Variants in DNTTIP1 observed in about 807,000 individuals in gnomAD.
The protein encoded by DNTTIP1 is deoxynucleotidyltransferase terminal-interacting protein 1.
Under a neutral mutation model 52.9 loss-of-function variants are expected in DNTTIP1, and 22 were observed. The observed-to-expected ratio is 0.42, with a 90% CI of 0.30 to 0.59. The LOEUF is 0.59. DNTTIP1 is among the 20% of genes least tolerant of loss of function. The pLI is 0.22. For synonymous variants in DNTTIP1, 136 were observed against 155.1 expected (o/e 0.88, Z 0.92); for missense variants, 286 against 435.5 (o/e 0.66, Z 3.06).
intron 10 of DNTTIP1, among the ~76,000 whole-genome samples, chr20:45,806,355 C>A (rs1234279930): frequency 1.0e-3 from 136 of 131,698 alleles, no homozygotes; most frequent in Non-Finnish European, 1.1e-3. Flanking sequence ...AACTCCATCT[C>A]AAAAAAAAAA....
chr20:45,800,690 AAAAAAT>A (rs1981409744), intron 4 of DNTTIP1, among the ~76,000 whole-genome samples: 1 of 52,350 alleles, frequency 1.9e-5, no homozygotes, highest in South Asian at 6.4e-4. Flanking sequence ...AAAAAAAAAA[AAAAAAT>A]ATATATATAT....
rs1376833760 is a variant in DNTTIP1, at chr20:45,809,037, C to T, written c.724-77C>T. ...ACTTTTGGTAAGAACTGCTCAAGGG[C>T]CAAGAGTATGCTCTGGGACCAAATG... On this transcript the variant is annotated intron_variant, in intron 10 of 12. Coordinates refer to ENST00000372622, the MANE Select transcript of DNTTIP1 (RefSeq NM_052951.3). This position sits in a 1 kb window ranked among gnomAD's most constrained non-coding sequence, Gnocchi z 4.2. 3.1e-6 allele frequency: 4 copies of T among 1,311,068 alleles called. No homozygotes were observed. Among genetic ancestry groups the T allele is most frequent in the Non-Finnish European group, 3.3e-6 (3 of 909,880 alleles). The allele number at this position is 1,311,068 out of a possible 1,614,324, so 81.2% of individuals were successfully genotyped here.
At chr20:45,808,607 T>C (rs1213405027) in intron 10 of DNTTIP1, among the ~76,000 whole-genome samples, 2 of 152,166 alleles carry the variant, frequency 1.3e-5, no homozygotes, top group African/African-American at 4.8e-5. Flanking sequence ...GCCATTGCAC[T>C]CCAGCCTGGG....
intron 10 of DNTTIP1, among the ~76,000 whole-genome samples, chr20:45,807,733 G>T (rs1356482677): frequency 6.6e-6 from 1 of 152,042 alleles, no homozygotes; most frequent in South Asian, 2.1e-4. Flanking sequence ...GGTCACCTGA[G>T]GTCAGGAGTT....
In DNTTIP1 at chr20:45,809,210, T is replaced by C. The variant is rs1981745890; in HGVS notation, c.795+25T>C. ...GGTAAGCATTATTCATTTGTGCCAC[T>C]GCCAGTGACCCACCCCACCTGGGAA... On this transcript the variant is annotated intron_variant, in intron 11 of 12. Transcript: ENST00000372622. This position sits in a 1 kb window ranked among gnomAD's most constrained non-coding sequence, Gnocchi z 4.2. 1.2e-6 allele frequency: 2 copies of C among 1,609,322 alleles called. No individual in the cohort carries two copies. The highest frequency in any genetic ancestry group is 1.1e-5 in the South Asian group (1 of 90,958).
chr20:45,806,133 A>G (rs964739895), intron 10 of DNTTIP1, among the ~76,000 whole-genome samples: 24 of 151,928 alleles, frequency 1.6e-4, no homozygotes, highest in Non-Finnish European at 2.6e-4. Context: ...AGGCTGGCGG[A>G]TCACCTGAAG....
chr20:45,793,913 G>A lies in DNTTIP1; in HGVS notation c.177-8G>A, dbSNP rs544617000. 6.3e-7 allele frequency: 1 copy of A among 1,575,764 alleles called. No individual in the cohort carries two copies. The highest frequency in any genetic ancestry group is 1.8e-5 in the Admixed American group (1 of 55,456). On this transcript the variant is annotated splice_polypyrimidine_tract_variant and splice_region_variant and intron_variant, in intron 2 of 12. Coordinates refer to ENST00000372622, the MANE Select transcript of DNTTIP1 (RefSeq NM_052951.3). ...TGCCCCCTCACCCTGTCTCCCTCCTGAATGCAGTTTCACAGATCCTGCCAT... is the reference window on the plus strand; with the variant it reads ...TGCCCCCTCACCCTGTCTCCCTCCTAAATGCAGTTTCACAGATCCTGCCAT...
At chr20:45,801,505 A>C (rs753494616) in intron 6 of DNTTIP1, 47 bp downstream of exon 6, 1 of 1,606,570 alleles carries the variant, frequency 6.2e-7, no homozygotes, top group Non-Finnish European at 8.5e-7. Context: ...AAGGCTTGTC[A>C]GGCCGGGTGT....
rs1944170741 is a variant in DNTTIP1 at position 45,809,916 on chromosome 20, A to ATCTTT, written c.795+732_795+733insCTTTT. ...ATGCCTATGCTTTACTTCAAAAAAG[A>ATCTTT]TTTCAGGTAAGCTTCATGCACATAA... On this transcript the variant is annotated intron_variant, in intron 11 of 12. Transcript: ENST00000372622. The surrounding 1 kb of genome is among the most constrained non-coding windows in gnomAD (Gnocchi z 4.2). 6.6e-6 allele frequency among the ~76,000 whole-genome samples: 1 copy of ATCTTT among 152,136 alleles called. No homozygotes were observed. Among genetic ancestry groups the ATCTTT allele is most frequent in the East Asian group, 1.9e-4 (1 of 5,196 alleles).
chr20:45,803,012 T>C, intron 7 of DNTTIP1: 1 of 306,902 alleles, frequency 3.3e-6, no homozygotes, highest in Non-Finnish European at 6.3e-6. Context: ...ATGTGTCTCC[T>C]ACACGAAGCA....
At chr20:45,802,084 G>A in intron 7 of DNTTIP1, 27 bp downstream of exon 7, 1 of 1,612,708 alleles carries the variant, frequency 6.2e-7, no homozygotes, top group Non-Finnish European at 8.5e-7. Flanking sequence ...AGTGTGGTGA[G>A]AGCATAGGGG....
chr20:45,792,458 C>T (rs1981057717), intron 1 of DNTTIP1: 1 of 502,458 alleles, frequency 2.0e-6, no homozygotes, highest in African/African-American at 2.0e-5. Context: ...TTCCTCCTGC[C>T]GTGCCAGAAG....
In DNTTIP1 at chr20:45,805,157, T is replaced by C; in HGVS notation, c.615T>C (p.Ala205=). The C allele has an allele frequency of 6.2e-7, 1 of 1,614,202 alleles. No homozygotes were observed. The highest frequency in any genetic ancestry group is 1.1e-5 in the South Asian group (1 of 91,078). Residue 205 remains alanine (A), a synonymous_variant, in exon 9 of 13, where the codon GCT becomes GCC. Transcript: ENST00000372622. ...TATTTTTTGCACAGTGGGACCCAGCTCGCCTGAATGAATCTACCACCTTTG... is the reference window on the plus strand; with the variant it reads ...TATTTTTTGCACAGTGGGACCCAGCCCGCCTGAATGAATCTACCACCTTTG... ...IRREGPKWDP[A]RLNESTTFVL...
rs139077490 is a variant in DNTTIP1 at position 45,804,850 on chromosome 20, G to A, written c.604-296G>A. On this transcript the variant is annotated intron_variant, in intron 8 of 12. Coordinates refer to ENST00000372622, the MANE Select transcript of DNTTIP1 (RefSeq NM_052951.3). The stretch of plus-strand genomic sequence containing the variant: ...GCCTTCCTGGCTGGACCCTCCCCTC[G>A]GCAGCCCTCAGACCCTGCACTCACT... Among the ~76,000 whole-genome samples, 5 of 152,210 alleles carry A rather than the reference G, an allele frequency of 3.3e-5. No homozygotes were observed. The East Asian group carries it at 5.8e-4, about 18-fold the overall frequency.
At chr20:45,795,748 G>A (rs1430406515) in intron 4 of DNTTIP1, among the ~76,000 whole-genome samples, 1 of 152,108 alleles carries the variant, frequency 6.6e-6, no homozygotes, top group Non-Finnish European at 1.5e-5. Context: ...GCGGTGAGCC[G>A]AGATGGCACC....
chr20:45,792,435 A>G, intron 1 of DNTTIP1: 1 of 493,128 alleles, frequency 2.0e-6, no homozygotes, highest in Non-Finnish European at 3.6e-6. Flanking sequence ...ACCCTCGGTA[A>G]ATACTGCTTC....
intron 4 of DNTTIP1, 63 bp downstream of exon 4, chr20:45,795,506 A>G: frequency 9.3e-7 from 1 of 1,072,886 alleles, no homozygotes. Flanking sequence ...CTGATAAGAA[A>G]TGCGATCTTA....
At chr20:45,796,740 C>T (rs1029944089) in intron 4 of DNTTIP1, among the ~76,000 whole-genome samples, 2 of 152,188 alleles carry the variant, frequency 1.3e-5, no homozygotes, top group African/African-American at 4.8e-5. Flanking sequence ...GCTTCAGTCC[C>T]CACTACTTCA....
intron 8 of DNTTIP1, 66 bp from the exon 9 acceptor site, chr20:45,805,080 G>A (rs1347478637): frequency 2.2e-6 from 3 of 1,345,868 alleles, no homozygotes; most frequent in African/African-American, 2.9e-5. Flanking sequence ...GGTAGGGGGA[G>A]GAGTGTTTCT....
Sources: allele counts gnomAD v4.1 joint callset (sites outside exome capture counted in the v4.1 genomes callset), GRCh38; gene constraint gnomAD v4.1.1; non-coding constraint Gnocchi (gnomAD v3.1); transcripts MANE v1.5; gene names NCBI Gene and HGNC (gene_info 2026-07-23, HGNC 2026-07-21).